The following RABGAP1L variants were observed in gnomAD, a reference collection of about 807,000 sequenced individuals.
RABGAP1L encodes RAB GTPase activating protein 1 like.
A neutral mutation model predicts 137.7 loss-of-function variants in RABGAP1L; 63 were observed. The observed-to-expected ratio is 0.46, with a 90% CI of 0.37 to 0.56. The LOEUF (loss-of-function observed/expected upper bound fraction) is 0.56, where lower values mean the gene tolerates loss of function less well. Among genes scored for constraint, RABGAP1L ranks in the 20% least tolerant of loss-of-function variants. The probability of loss-of-function intolerance (pLI) is 0.00; values close to 1 mark genes in which losing one functional copy is unlikely to be tolerated. For synonymous variants in RABGAP1L, 431 were observed against 433.7 expected, an observed-to-expected ratio of 0.99 and a Z score of 0.08; for missense variants, 1,095 against 1,244.0, an observed-to-expected ratio of 0.88 and a Z score of 1.80.
At chr1:174,581,419 G>T (rs950227510) in intron 13 of RABGAP1L, among the ~76,000 whole-genome samples, 1 of 152,160 alleles carries the variant, frequency 6.6e-6, no homozygotes, top group Admixed American at 6.6e-5. Flanking sequence ...GATGCTAAGC[G>T]AATGAAATGA....
intron 1 of RABGAP1L, among the ~76,000 whole-genome samples, chr1:174,169,834 T>C (rs1255874361): frequency 7.3e-6 from 1 of 136,976 alleles, no homozygotes; most frequent in Admixed American, 7.3e-5. Flanking sequence ...GGTGGGACTA[T>C]AGGACTGTAC....
chr1:174,161,188 CATATT>C (rs1209668568), intron 1 of RABGAP1L, among the ~76,000 whole-genome samples: 2 of 151,160 alleles, frequency 1.3e-5, no homozygotes, highest in Admixed American at 1.3e-4. Flanking sequence ...TATATTTTAA[CATATT>C]ATGTAGCCTA....
intron 12 of RABGAP1L, among the ~76,000 whole-genome samples, chr1:174,390,909 A>G (rs1455271456): frequency 6.6e-6 from 1 of 152,204 alleles, no homozygotes; most frequent in Non-Finnish European, 1.5e-5. Flanking sequence ...AACTTGGGAT[A>G]CATGTTTATA....
At chr1:174,830,190 A>G (rs1691961318) in intron 19 of RABGAP1L, among the ~76,000 whole-genome samples, 1 of 147,672 alleles carries the variant, frequency 6.8e-6, no homozygotes, top group African/African-American at 2.5e-5. Context: ...ACATACCACA[A>G]GGGAAAGGGA....
intron 11 of RABGAP1L, among the ~76,000 whole-genome samples, chr1:174,317,670 C>A (rs1171541486): frequency 6.6e-6 from 1 of 152,106 alleles, no homozygotes; most frequent in African/African-American, 2.4e-5. Flanking sequence ...TGTCATGTTT[C>A]CCCCCAGTCC....
At chr1:174,629,603 A>T (rs936789306) in intron 13 of RABGAP1L, among the ~76,000 whole-genome samples, 1 of 151,990 alleles carries the variant, frequency 6.6e-6, no homozygotes, top group African/African-American at 2.4e-5. Context: ...GCTCACTGCA[A>T]CCTCCACTTC....
chr1:174,171,673 TC>T (rs1414163294), intron 1 of RABGAP1L, among the ~76,000 whole-genome samples: 3 of 149,644 alleles, frequency 2.0e-5, no homozygotes, highest in African/African-American at 7.4e-5. Flanking sequence ...GTGGCTATAC[TC>T]TTGTTTCTGC....
intron 20 of RABGAP1L, chr1:174,957,774 A>G (rs1304414798): frequency 3.0e-6 from 3 of 1,014,528 alleles, no homozygotes; most frequent in Non-Finnish European, 4.5e-6. Flanking sequence ...GGCAAGTTCA[A>G]TTCCCTCTGT....
intron 11 of RABGAP1L, among the ~76,000 whole-genome samples, chr1:174,370,129 T>C (rs1684984697): frequency 6.6e-6 from 1 of 152,248 alleles, no homozygotes; most frequent in Non-Finnish European, 1.5e-5. Flanking sequence ...ACTGTCACAG[T>C]GTTGATAAAA....
In RABGAP1L at chr1:174,772,292, A is replaced by G. The variant is rs369728702; in HGVS notation, c.2211+19938A>G. Among the ~76,000 whole-genome samples the G allele has an allele frequency of 3.9e-5, 6 of 152,026 alleles. No individual in the cohort carries two copies. The South Asian group carries it at 1.2e-3, about 32-fold the overall frequency. The stretch of plus-strand genomic sequence containing the variant: ...TAATATACGTAACATAAAATGTACA[A>G]TTTTGGTCAGGGCAGTGGCTCAGGC... On this transcript the variant is annotated intron_variant, in intron 18 of 25. Transcript: ENST00000681986.
intron 7 of RABGAP1L, among the ~76,000 whole-genome samples, chr1:174,266,186 T>C (rs1167491984): frequency 6.6e-6 from 1 of 152,162 alleles, no homozygotes; most frequent in Non-Finnish European, 1.5e-5. Flanking sequence ...GTGCTTCAGT[T>C]TGCAATTTGT....
At chr1:174,849,092 A>C (rs897616541) in intron 19 of RABGAP1L, among the ~76,000 whole-genome samples, 2 of 150,742 alleles carry the variant, frequency 1.3e-5, no homozygotes, top group African/African-American at 2.4e-5. Context: ...CGGCTCGCGC[A>C]CGGTGCGTGC....
At chr1:174,161,361 G>C (rs531203003) in intron 1 of RABGAP1L, among the ~76,000 whole-genome samples, 3 of 152,050 alleles carry the variant, frequency 2.0e-5, no homozygotes, top group Non-Finnish European at 4.4e-5. Flanking sequence ...TCCTGCCTCA[G>C]CTTTTTGTGT....
At chr1:174,527,523 C>T (rs1663996827) in intron 13 of RABGAP1L, among the ~76,000 whole-genome samples, 1 of 152,094 alleles carries the variant, frequency 6.6e-6, no homozygotes, top group South Asian at 2.1e-4. Context: ...TCTGTTTTTA[C>T]AAATTTATTG....
At chr1:174,511,882 G>A (rs1662381186) in intron 13 of RABGAP1L, among the ~76,000 whole-genome samples, 1 of 152,124 alleles carries the variant, frequency 6.6e-6, no homozygotes, top group African/African-American at 2.4e-5. Flanking sequence ...GCCTCCCAAA[G>A]TGCTGGGATT....
At chr1:174,564,924 C>G (rs955955839) in intron 13 of RABGAP1L, among the ~76,000 whole-genome samples, 9 of 150,642 alleles carry the variant, frequency 6.0e-5, no homozygotes, top group African/African-American at 2.0e-4. Context: ...ACAACTCCCC[C>G]CTGCCCGAAA....
At chr1:174,194,258 G>A (rs1386916116) in intron 1 of RABGAP1L, among the ~76,000 whole-genome samples, 2 of 146,756 alleles carry the variant, frequency 1.4e-5, no homozygotes, top group African/African-American at 2.6e-5. Flanking sequence ...TTTTGGAGAC[G>A]GAGTCTTGCC....
At chr1:174,635,078 A>G (rs1328796024) in intron 13 of RABGAP1L, among the ~76,000 whole-genome samples, 1 of 151,760 alleles carries the variant, frequency 6.6e-6, no homozygotes, top group African/African-American at 2.4e-5. Flanking sequence ...AAAAGAAAAA[A>G]AAGAAAAAAA....
rs1271622641 is a variant in RABGAP1L, at chr1:174,951,667, G to GC, written c.2341-5785dup. Among the ~76,000 whole-genome samples the GC allele has an allele frequency of 4.6e-5, 7 of 152,070 alleles. 1 individual carries two copies. Among genetic ancestry groups the GC allele is most frequent in the African/African-American group, 1.7e-4 (7 of 41,492 alleles). ...AAGCATGTACCCCTCAAACCTACCA[G>GC]CCCCCAACATCCACACCTGGTTTAG... On this transcript the variant is annotated intron_variant, in intron 19 of 25. Transcript: ENST00000681986.
Sources: gnomAD v4.1 joint callset for allele counts (sites outside exome capture counted in the v4.1 genomes callset) on GRCh38, gnomAD v4.1.1 for gene constraint, MANE v1.5 for transcripts, NCBI Gene and HGNC (gene_info 2026-07-23, HGNC 2026-07-21) for gene names.